CDK12: variants seen among roughly 807,000 people sequenced by gnomAD.
The protein encoded by CDK12 is cyclin-dependent kinase 12.
Under a neutral mutation model 133.8 loss-of-function variants are expected in CDK12, and 17 were observed. The observed-to-expected ratio is 0.13, with a 90% CI of 0.09 to 0.19. The LOEUF is 0.19. CDK12 is among the 10% of genes least tolerant of loss of function. The pLI is 1.00. For missense variants in CDK12, 1,508 were observed against 1,818.7 expected, an observed-to-expected ratio of 0.83 and a Z score of 3.11; for synonymous variants, 694 against 683.6, an observed-to-expected ratio of 1.02 and a Z score of -0.24.
downstream of CDK12, among the ~76,000 whole-genome samples, chr17:39,539,067 T>A (rs2055290308): frequency 6.6e-6 from 1 of 151,932 alleles, no homozygotes; most frequent in Admixed American, 6.6e-5. Flanking sequence ...CATTTGAGAG[T>A]GAGGTTAATC....
chr17:39,521,143 C>G (rs1349772796), intron 11 of CDK12, among the ~76,000 whole-genome samples: 2 of 152,038 alleles, frequency 1.3e-5, no homozygotes, highest in Non-Finnish European at 2.9e-5. Flanking sequence ...CAGTGCCTGG[C>G]CATTTTTTTG....
At position 39,470,908 on chromosome 17, in the gene CDK12, G is replaced by A. The variant is rs2145184998; in HGVS notation, c.1076G>A (p.Ser359Asn). 1 of 1,609,888 alleles carries A rather than the reference G, an allele frequency of 6.2e-7. No homozygotes were observed. Among genetic ancestry groups the A allele is most frequent in the Non-Finnish European group, 8.5e-7 (1 of 1,179,026 alleles). ...AAATCCATGAAGTCCAGAAGTAGAA[G>A]TCCTGCATATTCAAGACATTCATCT... ...SRKSMKSRSR[S>N]PAYSRHSSSH... Residue 359 changes from serine (S) to asparagine (N), a missense_variant, in exon 2 of 14, where the codon AGT becomes AAT. Around this residue, in one of 9 missense-constraint regions of CDK12, gnomAD observed 460 missense variants for 490.8 expected, o/e 0.94. Coordinates refer to ENST00000447079, the MANE Select transcript of CDK12 (RefSeq NM_016507.4).
rs763157588 is a variant in CDK12, at chr17:39,532,380, G to A, written c.*1064G>A. 3.9e-5 allele frequency: 9 copies of A among 233,006 alleles called. No individual in the cohort carries two copies. The highest frequency in any genetic ancestry group is 6.8e-5 in the Non-Finnish European group (8 of 117,958). 14.4% of individuals were successfully genotyped at this position (233,006 alleles called of 1,614,324 possible). On this transcript the variant is annotated 3_prime_UTR_variant, in exon 14 of 14. Transcript: ENST00000447079. Reference sequence around the variant, plus strand: ...TGGACAGCTTGGACATTGCTGCTGAGCTGTGGTTAGAGATGATGCCTCCAT... The same window carrying A: ...TGGACAGCTTGGACATTGCTGCTGAACTGTGGTTAGAGATGATGCCTCCAT...
intron 5 of CDK12, among the ~76,000 whole-genome samples, chr17:39,500,851 C>T (rs1254895908): frequency 6.6e-6 from 1 of 151,752 alleles, no homozygotes; most frequent in Non-Finnish European, 1.5e-5. Flanking sequence ...CTCGGCCTCC[C>T]AAGTAGCTGG....
intron 2 of CDK12, 108 bp downstream of exon 2, chr17:39,471,871 C>G: frequency 1.0e-6 from 1 of 1,000,034 alleles, no homozygotes; most frequent in Non-Finnish European, 1.5e-6. Context: ...CAGGAAATGT[C>G]TTTGATATTT....
chr17:39,467,098 C>T (rs1332123055), intron 1 of CDK12, among the ~76,000 whole-genome samples: 1 of 152,062 alleles, frequency 6.6e-6, no homozygotes, highest in Admixed American at 6.6e-5. Flanking sequence ...CCTGCCTCAG[C>T]CTCCCAAGTA....
At chr17:39,556,874 C>T (rs1395278015) in intron 3 of CDK12, 1 of 152,170 alleles carries the variant, frequency 6.6e-6, no homozygotes, top group Non-Finnish European at 1.5e-5. Context: ...TCTTAGGCCC[C>T]TGCTGCCCTC....
In CDK12 at chr17:39,471,551, T is replaced by C. The variant is rs746132180; in HGVS notation, c.1719T>C (p.Phe573=). 6.2e-7 allele frequency: 1 copy of C among 1,613,908 alleles called. No homozygotes were observed. Among genetic ancestry groups the C allele is most frequent in the South Asian group, 1.1e-5 (1 of 91,074 alleles). ...CTCTGCCTCCTTCTCAGCCAGCATT[T>C]AGTCAGGTTCCTGCTTCCAGTACTT... The part of the protein sequence containing the change: ...QPPLPPSQPA[F]SQVPASSTST... Residue 573 remains phenylalanine (F), a synonymous_variant, in exon 2 of 14, where the codon TTT becomes TTC. Transcript: ENST00000447079.
intron 3 of CDK12, among the ~76,000 whole-genome samples, chr17:39,559,229 C>T (rs556328842): frequency 6.6e-6 from 1 of 152,244 alleles, no homozygotes; most frequent in South Asian, 2.1e-4. Context: ...GTACATTTTG[C>T]CCACTTTCAC....
At chr17:39,535,197 A>G (rs770239870), downstream of CDK12, 2 of 152,194 alleles carry the variant, frequency 1.3e-5, no homozygotes, top group African/African-American at 4.8e-5. Context: ...ATGTGCTGCA[A>G]TCCTGCTAGT....
intron 6 of CDK12, among the ~76,000 whole-genome samples, chr17:39,507,305 G>A (rs1343858708): frequency 6.6e-6 from 1 of 151,696 alleles, no homozygotes; most frequent in Non-Finnish European, 1.5e-5. Flanking sequence ...TGCTATCAGC[G>A]GCCGGGCGCG....
intron 2 of CDK12, among the ~76,000 whole-genome samples, chr17:39,486,389 G>A (rs1173328755): frequency 6.6e-6 from 1 of 150,508 alleles, no homozygotes; most frequent in Non-Finnish European, 1.5e-5. Context: ...CTTCAGCCTC[G>A]ATAGTAGCTG....
At chr17:39,483,554 G>A (rs1441820228) in intron 2 of CDK12, among the ~76,000 whole-genome samples, 1 of 151,802 alleles carries the variant, frequency 6.6e-6, no homozygotes, top group South Asian at 2.1e-4. Context: ...ATGAGCCACC[G>A]TGCCTGGTCT....
In CDK12 at chr17:39,531,285, G is replaced by A. The variant is rs1332342841; in HGVS notation, c.4442G>A (p.Arg1481Lys). The change falls in exon 14 of 14, where the codon AGA (arginine) becomes AAA (lysine). Residue 1481 changes from arginine (R) to lysine (K), a missense_variant. Coordinates refer to ENST00000447079, the MANE Select transcript of CDK12 (RefSeq NM_016507.4). ...LYRGPTRVPP[R>K]GGRGRGVPY ...CGGGGGCCTACAAGAGTCCCACCAA[G>A]AGGGGGAAGAGGGAGAGGAGTTCCT... 6.7e-7 allele frequency: 1 copy of A among 1,495,170 alleles called. No individual in the cohort carries two copies. Among genetic ancestry groups the A allele is most frequent in the Non-Finnish European group, 8.9e-7 (1 of 1,125,562 alleles). 92.6% of individuals were successfully genotyped at this position (1,495,170 alleles called of 1,614,324 possible). A position where few individuals can be genotyped will look rare whatever the true frequency, so the allele number is the denominator to read the frequency against.
At chr17:39,479,257 G>A (rs1393045778) in intron 2 of CDK12, among the ~76,000 whole-genome samples, 2 of 140,208 alleles carry the variant, frequency 1.4e-5, no homozygotes, top group East Asian at 2.2e-4. Context: ...GCAGTGAGCC[G>A]CGATCATGCC....
chr17:39,563,664 TTCGCA>T (rs1316705528), intron 3 of CDK12, among the ~76,000 whole-genome samples: 9 of 152,018 alleles, frequency 5.9e-5, no homozygotes, highest in Non-Finnish European at 1.0e-4. Flanking sequence ...CTCTGCCGGC[TTCGCA>T]GCACCGCCTG....
In CDK12 at chr17:39,494,945, A is replaced by G. The variant is rs559925080; in HGVS notation, c.2419+251A>G. Among the ~76,000 whole-genome samples the G allele has an allele frequency of 2.0e-5, 3 of 151,262 alleles. No homozygotes were observed. The East Asian group carries it at 5.9e-4, about 30-fold the overall frequency. ...CCACCACACCCAGCTAATTTTTTGT[A>G]TTTTTTTAGTAGAGGCGGGGTTTCA... On this transcript the variant is annotated intron_variant, in intron 5 of 13. Transcript: ENST00000447079.
At chr17:39,510,114 C>CTCTTTTTTT (rs1555569938) in intron 7 of CDK12, among the ~76,000 whole-genome samples, 1 of 125,480 alleles carries the variant, frequency 8.0e-6, no homozygotes, top group African/African-American at 3.2e-5. Flanking sequence ...CAATCTCTCT[C>CTCTTTTTTT]TTTTTTTTTT....
chr17:39,525,844 G>T lies in CDK12; in HGVS notation c.3308-20G>T. 1 of 1,601,394 alleles carries T rather than the reference G, an allele frequency of 6.2e-7. No individual in the cohort carries two copies. The highest frequency in any genetic ancestry group is 8.5e-7 in the Non-Finnish European group (1 of 1,171,036). On this transcript the variant is annotated intron_variant, in intron 12 of 13. Coordinates refer to ENST00000447079, the MANE Select transcript of CDK12 (RefSeq NM_016507.4). The stretch of plus-strand genomic sequence containing the variant: ...TGGCCTATCTCATCGTCTTATATTG[G>T]CTTCACTGTCTTTCAACAGGCCTTG...
Sources: gnomAD v4.1 joint callset for allele counts (sites outside exome capture counted in the v4.1 genomes callset) on GRCh38, gnomAD v4.1.1 for gene constraint, gnomAD v4.1.1 regional missense constraint, MANE v1.5 for transcripts, NCBI Gene and HGNC (gene_info 2026-07-23, HGNC 2026-07-21) for gene names.